The following LAMA2 variants were observed in gnomAD, a reference collection of about 807,000 sequenced individuals.
LAMA2 encodes the protein laminin subunit alpha 2.
A neutral mutation model predicts 364.8 loss-of-function variants in LAMA2; 269 were observed. The observed-to-expected ratio is 0.74, with a 90% confidence interval of 0.67 to 0.82. The LOEUF (loss-of-function observed/expected upper bound fraction) is 0.82, where lower values mean the gene tolerates loss of function less well. LAMA2 is among the 40% of genes least tolerant of loss of function. The pLI is 0.00. For missense variants in LAMA2, 3,807 were observed against 3,873.2 expected (o/e 0.98, Z 0.45); for synonymous variants, 1,379 against 1,370.6 (o/e 1.01, Z -0.14).
intron 1 of LAMA2, among the ~76,000 whole-genome samples, chr6:128,947,219 A>C (rs1780536483): frequency 6.6e-6 from 1 of 152,222 alleles, no homozygotes; most frequent in Non-Finnish European, 1.5e-5. Context: ...ACATAAAGAA[A>C]TAAGACTGCT....
At position 129,402,412 on chromosome 6, in the gene LAMA2, G is replaced by C. The variant is rs1469843993; in HGVS notation, c.5651G>C (p.Arg1884Thr). ...GACCTCTCCCAAGAAATAAAGGACA[G>C]GAAGCTTGCTGAGAAGGTGTCCCAG... The part of the protein sequence containing the change: ...IDDLSQEIKD[R>T]KLAEKVSQAE... The change falls in exon 39 of 65, where the codon AGG becomes ACG. Residue 1884 changes from arginine (R) to threonine (T), a missense_variant. Around this residue, in one of 3 missense-constraint regions of LAMA2, gnomAD observed 3,333 missense variants for 3,345.7 expected, o/e 1.00. Transcript: ENST00000421865. The C allele has an allele frequency of 6.8e-6, 11 of 1,614,080 alleles. No homozygotes were observed. In the South Asian group the frequency reaches 1.2e-4, roughly 18 times the overall value.
chr6:129,205,436 G>T (rs1283858753), intron 12 of LAMA2, among the ~76,000 whole-genome samples: 1 of 144,518 alleles, frequency 6.9e-6, no homozygotes, highest in African/African-American at 2.6e-5. Flanking sequence ...AGTTATAAAT[G>T]CACAGTCTTA....
intron 37 of LAMA2, among the ~76,000 whole-genome samples, chr6:129,393,963 T>G (rs1023719220): frequency 6.6e-6 from 1 of 152,226 alleles, no homozygotes; most frequent in Non-Finnish European, 1.5e-5. Context: ...CAGTTACTTC[T>G]CAACTCAAGA....
intron 51 of LAMA2, among the ~76,000 whole-genome samples, chr6:129,472,345 A>G (rs999786916): frequency 2.0e-5 from 3 of 151,980 alleles, no homozygotes; most frequent in Non-Finnish European, 4.4e-5. Context: ...GACTGATGTC[A>G]ATACGCATCA....
intron 3 of LAMA2, among the ~76,000 whole-genome samples, chr6:129,094,894 A>G (rs1439605427): frequency 3.3e-5 from 5 of 152,214 alleles, no homozygotes; most frequent in Non-Finnish European, 5.9e-5. Context: ...GAGACCTAAT[A>G]GGACAAATAC....
intron 9 of LAMA2, among the ~76,000 whole-genome samples, chr6:129,166,893 A>T (rs1309084388): frequency 6.6e-6 from 1 of 152,116 alleles, no homozygotes; most frequent in Non-Finnish European, 1.5e-5. Flanking sequence ...TCAGCACCTA[A>T]ATAACACATT....
intron 17 of LAMA2, among the ~76,000 whole-genome samples, chr6:129,276,278 C>T (rs1324624364): frequency 2.0e-5 from 3 of 152,054 alleles, no homozygotes; most frequent in Admixed American, 6.6e-5. Flanking sequence ...TCCTGATCCC[C>T]TGTTGTGTAT....
intron 1 of LAMA2, among the ~76,000 whole-genome samples, chr6:128,973,246 A>G (rs1782303345): frequency 6.6e-6 from 1 of 152,164 alleles, no homozygotes; most frequent in African/African-American, 2.4e-5. Context: ...ATTAGAGCTC[A>G]TTTGAGAGCA....
At chr6:128,889,872 A>T (rs565814065) in intron 1 of LAMA2, among the ~76,000 whole-genome samples, 99 of 152,206 alleles carry the variant, frequency 6.5e-4, no homozygotes, top group South Asian at 1.5e-3. Context: ...ACTTTATGCT[A>T]TTTGGATTTT....
intron 34 of LAMA2, among the ~76,000 whole-genome samples, chr6:129,376,901 A>G (rs1778404344): frequency 6.6e-6 from 1 of 152,134 alleles, no homozygotes; most frequent in Admixed American, 6.6e-5. Context: ...TGGGCAAGAA[A>G]CCTTTTTGTT....
chr6:129,022,078 C>T (rs954004311), intron 1 of LAMA2, among the ~76,000 whole-genome samples: 1 of 152,180 alleles, frequency 6.6e-6, no homozygotes, highest in Non-Finnish European at 1.5e-5. Context: ...AAAATCTCTC[C>T]TGCAAGACAT....
chr6:129,388,162 C>T (rs1421154185), intron 35 of LAMA2, among the ~76,000 whole-genome samples: 1 of 151,402 alleles, frequency 6.6e-6, no homozygotes, highest in Non-Finnish European at 1.5e-5. Context: ...GAGGCTGAGA[C>T]AGTAGAATCG....
Position 129,438,631 on chromosome 6 carries a change from G to GT in LAMA2, c.5969-9dup. On this transcript the variant is annotated splice_polypyrimidine_tract_variant and intron_variant, in intron 41 of 64. Coordinates refer to ENST00000421865, the MANE Select transcript of LAMA2 (RefSeq NM_000426.4). ...TAAAACTTATTTAATCCTTTTTTTT[G>GT]TTTTTTATTCGCAGAAAATGAAGAC... The GT allele has an allele frequency of 1.1e-5, 14 of 1,332,280 alleles. No individual in the cohort carries two copies. The highest frequency in any genetic ancestry group is 1.4e-5 in the Non-Finnish European group (13 of 927,272). The allele number at this position is 1,332,280 out of a possible 1,614,324, so 82.5% of individuals were successfully genotyped here.
chr6:129,231,559 G>A (rs1562359703), intron 12 of LAMA2, among the ~76,000 whole-genome samples: 1 of 152,100 alleles, frequency 6.6e-6, no homozygotes, highest in Non-Finnish European at 1.5e-5. Flanking sequence ...TTACATTCTG[G>A]TTGTTCACTT....
chr6:129,440,994 G>T lies in LAMA2; in HGVS notation c.6264G>T (p.Lys2088Asn), dbSNP rs1782086373. Residue 2088 changes from lysine to asparagine, a missense_variant, in exon 43 of 65, where the codon AAG (lysine) becomes AAT (asparagine). Lys to Asn is a moderately conservative substitution (Grantham distance 94). Coordinates refer to ENST00000421865, the MANE Select transcript of LAMA2 (RefSeq NM_000426.4). ...ATGCTGTGGTTAAAGATCCTTCCAA[G>T]AACAGTAAGATCTCCTTTTTCATTG... ...KTNAVVKDPS[K>N]NKIIADADAT... The T allele has an allele frequency of 1.2e-6, 2 of 1,611,796 alleles. No homozygotes were observed. Among genetic ancestry groups the T allele is most frequent in the East Asian group, 4.5e-5 (2 of 44,818 alleles).
At chr6:129,080,158 C>G (rs1773945050) in intron 3 of LAMA2, among the ~76,000 whole-genome samples, 2 of 152,170 alleles carry the variant, frequency 1.3e-5, no homozygotes, top group African/African-American at 2.4e-5. Context: ...TCTTATAGAA[C>G]TTTTCAACTC....
At chr6:129,049,497 A>T (rs1787840303) in intron 1 of LAMA2, among the ~76,000 whole-genome samples, 1 of 152,152 alleles carries the variant, frequency 6.6e-6, no homozygotes, top group Non-Finnish European at 1.5e-5. Flanking sequence ...GACCATGAAA[A>T]AATATATTTG....
chr6:129,271,774 G>A (rs1787958424), intron 17 of LAMA2, among the ~76,000 whole-genome samples: 1 of 152,078 alleles, frequency 6.6e-6, no homozygotes, highest in African/African-American at 2.4e-5. Context: ...TGACAACACT[G>A]ACAGAGCAAA....
intron 34 of LAMA2, among the ~76,000 whole-genome samples, chr6:129,376,492 G>A (rs1222289680): frequency 3.3e-5 from 5 of 152,080 alleles, no homozygotes; most frequent in African/African-American, 7.2e-5. Context: ...ATACGTCATC[G>A]CAGTGCTTAC....
Sources: gnomAD v4.1 joint callset for allele counts (sites outside exome capture counted in the v4.1 genomes callset) on GRCh38, gnomAD v4.1.1 for gene constraint, gnomAD v4.1.1 regional missense constraint, MANE v1.5 for transcripts, NCBI Gene and HGNC (gene_info 2026-07-23, HGNC 2026-07-21) for gene names.